MYB: variants seen among roughly 807,000 people sequenced by gnomAD.
MYB encodes MYB proto-oncogene, transcription factor.
MYB carries 28 observed loss-of-function variants against 92.9 expected under a neutral mutation model. The observed-to-expected ratio is 0.30, with a 90% CI of 0.22 to 0.41. The LOEUF is 0.41. Ranked by LOEUF, MYB falls within the 10% of genes least tolerant of loss-of-function variation. MYB has a pLI of 1.00. For missense variants in MYB, 679 were observed against 929.3 expected, an observed-to-expected ratio of 0.73 and a Z score of 3.50; for synonymous variants, 295 against 329.1, an observed-to-expected ratio of 0.90 and a Z score of 1.12.
Position 135,182,046 on chromosome 6 carries a change from A to G in MYB, c.23+510A>G, listed in dbSNP as rs1775132162. ...TCATTCATTCTTTATGGAGGCGAGG[A>G]CCAGTGTCAGCTGACAGGCGGCTGA... On this transcript the variant is annotated intron_variant, in intron 1 of 15. Coordinates refer to ENST00000341911, the MANE Select transcript of MYB (RefSeq NM_001130173.2). The surrounding 1 kb of genome is among the most constrained non-coding windows in gnomAD (Gnocchi z 5.6). Among the ~76,000 whole-genome samples the G allele has an allele frequency of 6.6e-6, 1 of 152,132 alleles. No homozygotes were observed. The highest frequency in any genetic ancestry group is 1.5e-5 in the Non-Finnish European group (1 of 68,006).
intron 8 of MYB, 79 bp from the exon 9 acceptor site, chr6:135,195,669 C>T (rs899970864): frequency 1.3e-6 from 2 of 1,503,368 alleles, no homozygotes; most frequent in Non-Finnish European, 1.8e-6. Context: ...CATCTGATAC[C>T]TTGTGCAACT....
rs199663463 is a variant in MYB at position 135,196,969 on chromosome 6, A to G, written c.1212A>G (p.Ser404=). The stretch of plus-strand genomic sequence containing the variant: ...CTCCCACATTGTTTCAGGATTCTTC[A>G]TCATGGTGTGATCTCAGCAGTTTTG... ...ETLQFIDSDS[S]SWCDLSSFEF... is the part of the protein sequence containing the mutation. The change falls in exon 10 of 16, where the codon TCA becomes TCG. Residue 404 remains serine (S), a synonymous_variant. Transcript: ENST00000341911. The G allele has an allele frequency of 6.2e-7, 1 of 1,612,652 alleles. No individual in the cohort carries two copies. Among genetic ancestry groups the G allele is most frequent in the East Asian group, 2.2e-5 (1 of 44,878 alleles).
chr6:135,212,371 C>T lies in MYB; in HGVS notation c.2170-5493C>T, dbSNP rs532457229. Among the ~76,000 whole-genome samples the T allele has an allele frequency of 7.3e-5, 11 of 150,650 alleles. No individual in the cohort carries two copies. The East Asian group carries it at 2.0e-3, about 27-fold the overall frequency. ...GCTGTATGAATATAATAATAAGAAC[C>T]GTTTTTGTTCAGCTTGATGAAAAAA... is the stretch of plus-strand genomic sequence containing the variant. On this transcript the variant is annotated intron_variant, in intron 15 of 15. Transcript: ENST00000341911.
Position 135,212,700 on chromosome 6 carries a change from A to C in MYB, c.2170-5164A>C, listed in dbSNP as rs151111403. Reference sequence around the variant, plus strand: ...TATGATAGAGTGACATGTCTGCAAGAGCACCATGGGTTAGTAACTTAACAA... The same window carrying C: ...TATGATAGAGTGACATGTCTGCAAGCGCACCATGGGTTAGTAACTTAACAA... On this transcript the variant is annotated intron_variant, in intron 15 of 15. Coordinates refer to ENST00000341911, the MANE Select transcript of MYB (RefSeq NM_001130173.2). Among the ~76,000 whole-genome samples, 30 of 152,340 alleles carry C rather than the reference A, an allele frequency of 2.0e-4. 1 individual carries two copies. In the East Asian group the frequency reaches 5.4e-3, roughly 27 times the overall value.
chr6:135,198,122 G>C (rs1476159154), intron 10 of MYB, among the ~76,000 whole-genome samples: 1 of 152,122 alleles, frequency 6.6e-6, no homozygotes, highest in Non-Finnish European at 1.5e-5. Context: ...ATACATTTGG[G>C]AAACACTGAA....
In MYB at chr6:135,193,923, G is replaced by A; in HGVS notation, c.843+5G>A. The A allele has an allele frequency of 6.3e-7, 1 of 1,584,508 alleles. No homozygotes were observed. Among genetic ancestry groups the A allele is most frequent in the Non-Finnish European group, 8.7e-7 (1 of 1,153,296 alleles). On this transcript the variant is annotated splice_donor_5th_base_variant and intron_variant, in intron 7 of 15. Coordinates refer to ENST00000341911, the MANE Select transcript of MYB (RefSeq NM_001130173.2). ...CCAGCTGCCGCAGCCATTCAGGTAA[G>A]ATCATTGATCATTCACTGTTCAAAG... is the stretch of plus-strand genomic sequence containing the variant.
intron 8 of MYB, chr6:135,194,918 T>C: frequency 3.1e-6 from 4 of 1,295,480 alleles, no homozygotes; most frequent in South Asian, 2.5e-5. Context: ...AACCTCTTCA[T>C]AAATAACATT....
chr6:135,205,494 T>C (rs1465317599), intron 15 of MYB, among the ~76,000 whole-genome samples: 2 of 152,296 alleles, frequency 1.3e-5, no homozygotes, highest in East Asian at 3.9e-4. Flanking sequence ...GCTTTATCAG[T>C]ATATTTGTAT....
intron 15 of MYB, among the ~76,000 whole-genome samples, chr6:135,214,736 C>A (rs1327099556): frequency 6.6e-6 from 1 of 152,130 alleles, no homozygotes; most frequent in Non-Finnish European, 1.5e-5. Flanking sequence ...GAAAAGATAA[C>A]ATTAAATTTT....
Position 135,200,183 on chromosome 6 carries a change from G to C in MYB, c.1808G>C (p.Gly603Ala), listed in dbSNP as rs1777861796. The C allele has an allele frequency of 2.5e-6, 4 of 1,613,960 alleles. No individual in the cohort carries two copies. The South Asian group carries it at 4.4e-5, about 18-fold the overall frequency. ...HALAAQEIKY[G>A]PLKMLPQTPS... ...CTTGCAGCTCAAGAAATTAAATACGGTCCCCTGAAGATGCTAGTAAGTTCT... is the reference window on the plus strand; with the variant it reads ...CTTGCAGCTCAAGAAATTAAATACGCTCCCCTGAAGATGCTAGTAAGTTCT... The change falls in exon 12 of 16, where the codon GGT becomes GCT. Residue 603 changes from glycine to alanine, a missense_variant. Gly to Ala is a moderately conservative substitution (Grantham distance 60). Coordinates refer to ENST00000341911, the MANE Select transcript of MYB (RefSeq NM_001130173.2).
chr6:135,196,446 C>G (rs927962099), intron 9 of MYB, among the ~76,000 whole-genome samples: 8 of 152,114 alleles, frequency 5.3e-5, no homozygotes, highest in Non-Finnish European at 1.2e-4. Flanking sequence ...TTACTCAGAG[C>G]TGAAAGCAAT....
chr6:135,218,822 C>T lies in MYB; in HGVS notation c.*842C>T. 1 of 221,228 alleles carries T rather than the reference C, an allele frequency of 4.5e-6. No homozygotes were observed. The highest frequency in any genetic ancestry group is 9.1e-6 in the Non-Finnish European group (1 of 110,284). The allele number at this position is 221,228 out of a possible 1,614,324, so 13.7% of individuals were successfully genotyped here. On this transcript the variant is annotated 3_prime_UTR_variant, in exon 16 of 16. Coordinates refer to ENST00000341911, the MANE Select transcript of MYB (RefSeq NM_001130173.2). ...TTGAAAACTTGTTTGGGAGACTCTG[C>T]ATTTTTTATTGTGGTTTTTTTGTTA...
intron 5 of MYB, among the ~76,000 whole-genome samples, chr6:135,191,519 C>G (rs1776621750): frequency 6.6e-6 from 1 of 152,142 alleles, no homozygotes; most frequent in South Asian, 2.1e-4. Context: ...TAAAAAAAGG[C>G]CTTTCCTCCC....
chr6:135,217,909 G>A lies in MYB; in HGVS notation c.2215G>A (p.Glu739Lys), dbSNP rs1422665014. The A allele has an allele frequency of 5.6e-6, 9 of 1,613,478 alleles. No homozygotes were observed. The highest frequency in any genetic ancestry group is 1.6e-4 in the Middle Eastern group (1 of 6,076). ...ACCTGCATCCTGTGGAAAGATGGAG[G>A]AGCAGATGACATCTTCCAGTCAAGC... ...WEPASCGKMEEQMTSSSQARK... is the reference protein window; with the variant it reads ...WEPASCGKMEKQMTSSSQARK... The change falls in exon 16 of 16, where the codon GAG becomes AAG. Residue 739 changes from glutamate (E) to lysine (K), a missense_variant. Transcript: ENST00000341911.
chr6:135,191,880 C>T (rs1409309249), intron 5 of MYB, among the ~76,000 whole-genome samples: 1 of 152,180 alleles, frequency 6.6e-6, no homozygotes, highest in Non-Finnish European at 1.5e-5. Flanking sequence ...AAGTATTCTT[C>T]ATCAGCAGCA....
chr6:135,213,010 G>A (rs926480145), intron 15 of MYB, among the ~76,000 whole-genome samples: 1 of 152,128 alleles, frequency 6.6e-6, no homozygotes, highest in African/African-American at 2.4e-5. Context: ...TCACGACATA[G>A]GCATATGTCT....
intron 1 of MYB, 137 bp from the exon 2 acceptor site, chr6:135,185,766 T>C: frequency 1.4e-6 from 1 of 735,352 alleles, no homozygotes; most frequent in South Asian, 1.6e-5. Context: ...GCAAACAATC[T>C]TGTTGTGCAA....
chr6:135,217,171 C>G (rs1172124693), intron 15 of MYB, among the ~76,000 whole-genome samples: 1 of 152,106 alleles, frequency 6.6e-6, no homozygotes, highest in Non-Finnish European at 1.5e-5. Flanking sequence ...GAGTTCAAGA[C>G]CAACCTGGGC....
Position 135,197,222 on chromosome 6 carries a change from C to T in MYB, c.1465C>T (p.Pro489Ser). Residue 489 changes from proline to serine, a missense_variant, in exon 10 of 16, where the codon CCC becomes TCC. Pro to Ser is a moderately conservative substitution (Grantham distance 74). Coordinates refer to ENST00000341911, the MANE Select transcript of MYB (RefSeq NM_001130173.2). ...ILRKKRGQAS[P>S]LATGDCSSFI... is the part of the protein sequence containing the mutation. Reference sequence around the variant, plus strand: ...TCGAAAAAAACGGGGCCAGGCCAGCCCCTTAGCCACTGGAGACTGTAGCTC... The same window carrying T: ...TCGAAAAAAACGGGGCCAGGCCAGCTCCTTAGCCACTGGAGACTGTAGCTC... 1 of 1,613,980 alleles carries T rather than the reference C, an allele frequency of 6.2e-7. No individual in the cohort carries two copies. The highest frequency in any genetic ancestry group is 8.5e-7 in the Non-Finnish European group (1 of 1,179,886).
Sources: allele counts gnomAD v4.1 joint callset (sites outside exome capture counted in the v4.1 genomes callset), GRCh38; gene constraint gnomAD v4.1.1; non-coding constraint Gnocchi (gnomAD v3.1); transcripts MANE v1.5; gene names NCBI Gene and HGNC (gene_info 2026-07-23, HGNC 2026-07-21).